The following HS6ST3 variants were observed in gnomAD, a reference collection of about 807,000 sequenced individuals.
HS6ST3 encodes the protein heparan-sulfate 6-O-sulfotransferase 3.
Under a neutral mutation model 36.7 loss-of-function variants are expected in HS6ST3, and 12 were observed. The observed-to-expected ratio is 0.33, with a 90% CI of 0.21 to 0.53. HS6ST3 has a LOEUF of 0.53. Among genes scored for constraint, HS6ST3 ranks in the 20% least tolerant of loss-of-function variants. HS6ST3 has a pLI of 0.95. For synonymous variants in HS6ST3, 240 were observed against 257.5 expected (o/e 0.93, Z 0.65); for missense variants, 584 against 640.9 (o/e 0.91, Z 0.96).
At chr13:96,268,727 C>T (rs1229359027) in intron 1 of HS6ST3, among the ~76,000 whole-genome samples, 3 of 151,948 alleles carry the variant, frequency 2.0e-5, no homozygotes, top group Admixed American at 6.6e-5. Flanking sequence ...AAGACACCAA[C>T]TTGAAATGGT....
At chr13:96,807,294 C>A (rs1246467604) in intron 1 of HS6ST3, among the ~76,000 whole-genome samples, 1 of 152,152 alleles carries the variant, frequency 6.6e-6, no homozygotes, top group Non-Finnish European at 1.5e-5. Context: ...TAAATGCTGT[C>A]CCCTAAAAAT....
chr13:96,729,918 T>C (rs1594846866), intron 1 of HS6ST3, among the ~76,000 whole-genome samples: 1 of 152,340 alleles, frequency 6.6e-6, no homozygotes, highest in Middle Eastern at 3.4e-3. Context: ...AACACTTTGC[T>C]CTCTTTGGAT....
intron 1 of HS6ST3, among the ~76,000 whole-genome samples, chr13:96,246,223 C>G (rs936251018): frequency 6.6e-6 from 1 of 152,056 alleles, no homozygotes. Flanking sequence ...AACAGAGATC[C>G]ATAGCATGAA....
chr13:96,438,795 G>T (rs1243515391), intron 1 of HS6ST3, among the ~76,000 whole-genome samples: 3 of 152,230 alleles, frequency 2.0e-5, no homozygotes, highest in African/African-American at 4.8e-5. Flanking sequence ...GCTGGGCACA[G>T]TGGCTCATGC....
intron 1 of HS6ST3, among the ~76,000 whole-genome samples, chr13:96,453,264 G>A (rs1326106820): frequency 6.6e-6 from 1 of 151,768 alleles, no homozygotes; most frequent in Non-Finnish European, 1.5e-5. Context: ...GGTAAAGTCT[G>A]GGCTTTTATA....
At chr13:96,725,171 T>C (rs1875971207) in intron 1 of HS6ST3, among the ~76,000 whole-genome samples, 1 of 152,232 alleles carries the variant, frequency 6.6e-6, no homozygotes, top group South Asian at 2.1e-4. Flanking sequence ...TCTTCACATC[T>C]CTTTAGTAGT....
intron 1 of HS6ST3, among the ~76,000 whole-genome samples, chr13:96,153,490 C>A (rs2054096761): frequency 6.6e-6 from 1 of 152,152 alleles, no homozygotes; most frequent in African/African-American, 2.4e-5. Flanking sequence ...ATTTATCCTG[C>A]CCCATTTCAT....
At chr13:96,783,274 T>C (rs988207065) in intron 1 of HS6ST3, among the ~76,000 whole-genome samples, 1 of 152,178 alleles carries the variant, frequency 6.6e-6, no homozygotes, top group East Asian at 1.9e-4. Flanking sequence ...TGGGCTGATT[T>C]GTCCCTATAT....
intron 1 of HS6ST3, among the ~76,000 whole-genome samples, chr13:96,101,209 C>T (rs1228036867): frequency 6.6e-6 from 1 of 152,086 alleles, no homozygotes; most frequent in Non-Finnish European, 1.5e-5. Context: ...TTAGTTAAGG[C>T]ATGACAAGTA....
chr13:96,268,662 A>G (rs895611437), intron 1 of HS6ST3, among the ~76,000 whole-genome samples: 1 of 152,040 alleles, frequency 6.6e-6, no homozygotes, highest in Non-Finnish European at 1.5e-5. Context: ...ATTAGTAATC[A>G]TGATAACTCT....
intron 1 of HS6ST3, among the ~76,000 whole-genome samples, chr13:96,318,570 GAAAT>G (rs1436737608): frequency 8.0e-6 from 1 of 124,332 alleles, no homozygotes; most frequent in African/African-American, 2.9e-5. Flanking sequence ...CAAAACAAAA[GAAAT>G]AAAGGTAAAG....
intron 1 of HS6ST3, among the ~76,000 whole-genome samples, chr13:96,812,298 C>T (rs1416918393): frequency 6.6e-6 from 1 of 152,174 alleles, no homozygotes; most frequent in African/African-American, 2.4e-5. Context: ...TCTTGCGGTC[C>T]AATATTTCCC....
intron 1 of HS6ST3, among the ~76,000 whole-genome samples, chr13:96,633,257 A>G (rs185638187): frequency 1.3e-5 from 2 of 152,318 alleles, no homozygotes; most frequent in East Asian, 3.9e-4. Flanking sequence ...GAAAGCAGAA[A>G]TGAAGAGCAA....
At chr13:96,808,048 C>A (rs2138532780) in intron 1 of HS6ST3, among the ~76,000 whole-genome samples, 1 of 152,136 alleles carries the variant, frequency 6.6e-6, no homozygotes, top group African/African-American at 2.4e-5. Flanking sequence ...CCTAAAATAA[C>A]TTGGAATTTG....
At chr13:96,247,109 T>C (rs2054588201) in intron 1 of HS6ST3, among the ~76,000 whole-genome samples, 1 of 152,134 alleles carries the variant, frequency 6.6e-6, no homozygotes, top group South Asian at 2.1e-4. Context: ...AGACATTTCC[T>C]TTCCCTCTGG....
intron 1 of HS6ST3, among the ~76,000 whole-genome samples, chr13:96,471,472 TGGG>T (rs1429281539): frequency 6.6e-6 from 1 of 152,048 alleles, no homozygotes; most frequent in African/African-American, 2.4e-5. Flanking sequence ...GCTCGCAGAA[TGGG>T]GGTCATGAGC....
chr13:96,320,776 C>G (rs2054999241), intron 1 of HS6ST3, among the ~76,000 whole-genome samples: 1 of 152,196 alleles, frequency 6.6e-6, no homozygotes, highest in African/African-American at 2.4e-5. Context: ...ATCAAGAATA[C>G]TGGGGACTCC....
intron 1 of HS6ST3, among the ~76,000 whole-genome samples, chr13:96,352,324 C>T (rs554288456): frequency 4.6e-5 from 7 of 152,286 alleles, no homozygotes; most frequent in South Asian, 2.1e-4. Flanking sequence ...GCAGTCATGC[C>T]TGCTATCATT....
chr13:96,233,513 G>A (rs748734777), intron 1 of HS6ST3, among the ~76,000 whole-genome samples: 1 of 152,172 alleles, frequency 6.6e-6, no homozygotes, highest in Non-Finnish European at 1.5e-5. Context: ...AGTTTGAAGA[G>A]TTCCAGCAAA....
Sources: gnomAD v4.1 joint callset for allele counts (sites outside exome capture counted in the v4.1 genomes callset) on GRCh38, gnomAD v4.1.1 for gene constraint, MANE v1.5 for transcripts, NCBI Gene and HGNC (gene_info 2026-07-23, HGNC 2026-07-21) for gene names.